MYLK3: variants seen among roughly 807,000 people sequenced by gnomAD.
The protein encoded by MYLK3 is myosin light chain kinase 3.
Under a neutral mutation model 76.3 loss-of-function variants are expected in MYLK3, and 55 were observed. The ratio of observed to expected loss-of-function variants is 0.72; its 90% CI spans 0.58 to 0.90. The LOEUF (loss-of-function observed/expected upper bound fraction) is 0.90, where lower values mean the gene tolerates loss of function less well. Among genes scored for constraint, MYLK3 ranks in the 40% least tolerant of loss-of-function variants. The probability of loss-of-function intolerance (pLI) is 0.00; values close to 1 mark genes in which losing one functional copy is unlikely to be tolerated. For synonymous variants in MYLK3, 416 were observed against 425.4 expected, an observed-to-expected ratio of 0.98 and a Z score of 0.27; for missense variants, 973 against 1,053.6, an observed-to-expected ratio of 0.92 and a Z score of 1.06.
At chr16:46,709,204 T>C (rs985724529) in intron 12 of MYLK3, among the ~76,000 whole-genome samples, 209 of 152,206 alleles carry the variant, frequency 1.4e-3, no homozygotes, top group African/African-American at 4.7e-3. Flanking sequence ...GGAGGAGTGC[T>C]TGAAGCCAGG....
chr16:46,736,893 CG>C (rs1460796363), intron 3 of MYLK3, among the ~76,000 whole-genome samples: 4 of 152,022 alleles, frequency 2.6e-5, no homozygotes, highest in Admixed American at 2.0e-4. Flanking sequence ...TGAGAGTCTG[CG>C]GGTTCTTTAC....
rs1966876777 is a variant in MYLK3 at position 46,737,804 on chromosome 16, C to A, written c.908G>T (p.Arg303Met). ...CTGAGGGCCAGGCCCTGGAGTCAGC[C>A]TCGTGCCTTCCTCTAAGGGCTCAGG... ...PDPEPLEEGTRLTPGPGPQCP... is the reference protein window; with the variant it reads ...PDPEPLEEGTMLTPGPGPQCP... The change falls in exon 3 of 13, where the codon AGG (arginine) becomes ATG (methionine). Residue 303 changes from arginine to methionine, a missense_variant. Coordinates refer to ENST00000394809, the MANE Select transcript of MYLK3 (RefSeq NM_182493.3). 2 of 1,612,694 alleles carry A rather than the reference C, an allele frequency of 1.2e-6. No individual in the cohort carries two copies. Among genetic ancestry groups the A allele is most frequent in the Admixed American group, 1.7e-5 (1 of 60,012 alleles).
chr16:46,710,064 C>G (rs903030138), intron 11 of MYLK3, among the ~76,000 whole-genome samples: 1 of 152,208 alleles, frequency 6.6e-6, no homozygotes, highest in Non-Finnish European at 1.5e-5. Context: ...GTTCATCTGA[C>G]TTAGAATTTT....
chr16:46,716,312 GGATA>G (rs916372474), intron 9 of MYLK3, among the ~76,000 whole-genome samples: 46 of 151,268 alleles, frequency 3.0e-4, no homozygotes, highest in Admixed American at 6.6e-4. Context: ...ATAGATAGAT[GGATA>G]GATAGATAGA....
intron 9 of MYLK3, among the ~76,000 whole-genome samples, chr16:46,714,618 T>C (rs1341088717): frequency 6.6e-6 from 1 of 152,232 alleles, no homozygotes; most frequent in Non-Finnish European, 1.5e-5. Flanking sequence ...CTCTCCCCAG[T>C]TGCATTACTG....
Position 46,707,560 on chromosome 16 carries a change from G to A in MYLK3, c.*144C>T. Reference sequence around the variant, plus strand: ...TTTACAGCCACTTTTCATCCACAAGGAAGGCAGCAGCCATAACCATTTTTA... The same window carrying A: ...TTTACAGCCACTTTTCATCCACAAGAAAGGCAGCAGCCATAACCATTTTTA... On this transcript the variant is annotated 3_prime_UTR_variant, in exon 13 of 13. Coordinates refer to ENST00000394809, the MANE Select transcript of MYLK3 (RefSeq NM_182493.3). The A allele has an allele frequency of 1.7e-6, 1 of 579,486 alleles. No homozygotes were observed. Among genetic ancestry groups the A allele is most frequent in the Non-Finnish European group, 3.1e-6 (1 of 327,842 alleles). 35.9% of individuals were successfully genotyped at this position (579,486 alleles called of 1,614,324 possible). A position where few individuals can be genotyped will look rare whatever the true frequency, so the allele number is the denominator to read the frequency against.
At chr16:46,715,457 T>C (rs1033620392) in intron 9 of MYLK3, among the ~76,000 whole-genome samples, 1 of 152,210 alleles carries the variant, frequency 6.6e-6, no homozygotes, top group African/African-American at 2.4e-5. Flanking sequence ...CTTCATATTC[T>C]TAGCTCAAGT....
intron 9 of MYLK3, among the ~76,000 whole-genome samples, chr16:46,715,651 C>A (rs999365048): frequency 6.6e-6 from 1 of 152,136 alleles, no homozygotes; most frequent in Non-Finnish European, 1.5e-5. Context: ...GTGTCTCCAG[C>A]CTTAACCCTG....
intron 1 of MYLK3, among the ~76,000 whole-genome samples, chr16:46,747,095 C>A (rs1429529942): frequency 6.6e-6 from 1 of 152,184 alleles, no homozygotes; most frequent in South Asian, 2.1e-4. Flanking sequence ...CCTCACCCCC[C>A]ATATCCTTCT....
rs1966591986 is a variant in MYLK3, at chr16:46,703,061, T to G, written c.*4643A>C. Reference sequence around the variant, plus strand: ...TTTCACACTCCACTGTTAAGTTTCTTGCATATCCTACGGTTTTTTAATGCA... The same window carrying G: ...TTTCACACTCCACTGTTAAGTTTCTGGCATATCCTACGGTTTTTTAATGCA... On this transcript the variant is annotated 3_prime_UTR_variant, in exon 13 of 13. Transcript: ENST00000394809. Among the ~76,000 whole-genome samples the G allele has an allele frequency of 6.6e-6, 1 of 152,130 alleles. No individual in the cohort carries two copies. Among genetic ancestry groups the G allele is most frequent in the Admixed American group, 6.5e-5 (1 of 15,276 alleles).
chr16:46,740,135 C>T lies in MYLK3; in HGVS notation c.490G>A (p.Val164Met), dbSNP rs1027878526. 3 of 1,613,626 alleles carry T rather than the reference C, an allele frequency of 1.9e-6. No homozygotes were observed. The highest frequency in any genetic ancestry group is 2.5e-6 in the Non-Finnish European group (3 of 1,179,770). Residue 164 changes from valine to methionine, a missense_variant, in exon 2 of 13, where the codon GTG becomes ATG. Val to Met is a conservative substitution (Grantham distance 21). This residue lies in a region of MYLK3 where 641 missense variants were observed against 637.0 expected (regional missense o/e 1.01). Coordinates refer to ENST00000394809, the MANE Select transcript of MYLK3 (RefSeq NM_182493.3). ...TTTGGTTTTCCTCCCTCTTCTTCCA[C>T]TCGCTCTTTATTCTAAAATAACAAC... ...GDSPEENKER[V>M]EEEGGKPKHV...
intron 9 of MYLK3, among the ~76,000 whole-genome samples, chr16:46,716,316 A>G (rs1441031658): frequency 2.0e-5 from 3 of 152,014 alleles, no homozygotes; most frequent in Non-Finnish European, 2.9e-5. Context: ...ATAGATGGAT[A>G]GATAGATAGA....
Position 46,727,284 on chromosome 16 carries a change from C to A in MYLK3, c.1866G>T (p.Glu622Asp), listed in dbSNP as rs1012451421. ...AGTGCTGGTGCAGGTAATGCACACC[C>A]TCACAGATCTGCCTGGTGAACAGGA... The part of the protein sequence containing the change: ...DVVLFTRQIC[E>D]GVHYLHQHYI... The change falls in exon 8 of 13, where the codon GAG becomes GAT. Residue 622 changes from glutamate (E) to aspartate (D), a missense_variant. Around this residue, in one of 2 missense-constraint regions of MYLK3, gnomAD observed 332 missense variants for 416.6 expected, o/e 0.80. Transcript: ENST00000394809. 2 of 1,614,056 alleles carry A rather than the reference C, an allele frequency of 1.2e-6. No individual in the cohort carries two copies. The highest frequency in any genetic ancestry group is 1.7e-6 in the Non-Finnish European group (2 of 1,179,998).
intron 5 of MYLK3, 153 bp from the exon 6 acceptor site, chr16:46,729,840 C>T (rs1596759768): frequency 3.0e-6 from 2 of 659,892 alleles, no homozygotes; most frequent in Admixed American, 2.6e-5. Flanking sequence ...ACCCTGCTGG[C>T]TATCCCGAAA....
Position 46,704,871 on chromosome 16 carries a change from G to A in MYLK3, c.*2833C>T, listed in dbSNP as rs1966609758. The A allele has an allele frequency of 6.6e-6, 1 of 152,106 alleles. No individual in the cohort carries two copies. Among genetic ancestry groups the A allele is most frequent in the Admixed American group, 6.5e-5 (1 of 15,274 alleles). The allele number at this position is 152,106 out of a possible 1,614,324, so 9.4% of individuals were successfully genotyped here. A position where few individuals can be genotyped will look rare whatever the true frequency, so the allele number is the denominator to read the frequency against. ...ATATACTCTCTAGCTCCTTCTGGAG[G>A]CTGCCCTCAAAAAACCTTTTAAAGA... On this transcript the variant is annotated 3_prime_UTR_variant, in exon 13 of 13. Coordinates refer to ENST00000394809, the MANE Select transcript of MYLK3 (RefSeq NM_182493.3).
At chr16:46,754,612 C>T (rs1967173988) in intron 1 of MYLK3, among the ~76,000 whole-genome samples, 1 of 152,164 alleles carries the variant, frequency 6.6e-6, no homozygotes, top group African/African-American at 2.4e-5. Context: ...CAGATGCAGC[C>T]CCTCAACCTT....
intron 1 of MYLK3, among the ~76,000 whole-genome samples, chr16:46,759,372 A>G (rs1453763976): frequency 6.6e-6 from 1 of 152,256 alleles, no homozygotes; most frequent in Non-Finnish European, 1.5e-5. Context: ...ACTGAGCAAC[A>G]ACAAACACTT....
Position 46,702,354 on chromosome 16 carries a change from A to C in MYLK3, c.*5350T>G, listed in dbSNP as rs920526820. ...TTGTCATGAATGTTTTCAAATACAT[A>C]CAACAGTAAAGAGGACAGTATAATG... is the stretch of plus-strand genomic sequence containing the variant. On this transcript the variant is annotated 3_prime_UTR_variant, in exon 13 of 13. Coordinates refer to ENST00000394809, the MANE Select transcript of MYLK3 (RefSeq NM_182493.3). Among the ~76,000 whole-genome samples the C allele has an allele frequency of 1.3e-5, 2 of 152,174 alleles. No individual in the cohort carries two copies. Among genetic ancestry groups the C allele is most frequent in the African/African-American group, 4.8e-5 (2 of 41,442 alleles).
chr16:46,738,421 GGGC>G (rs1966884019), intron 2 of MYLK3, among the ~76,000 whole-genome samples: 4 of 152,176 alleles, frequency 2.6e-5, no homozygotes, highest in Non-Finnish European at 1.5e-5. Flanking sequence ...TAAATGAGTT[GGGC>G]ATGGTCACAT....
Sources: gnomAD v4.1 joint callset for allele counts (sites outside exome capture counted in the v4.1 genomes callset) on GRCh38, gnomAD v4.1.1 for gene constraint, gnomAD v4.1.1 regional missense constraint, MANE v1.5 for transcripts, NCBI Gene and HGNC (gene_info 2026-07-23, HGNC 2026-07-21) for gene names.